KLF12: variants seen among roughly 807,000 people sequenced by gnomAD.
The protein encoded by KLF12 is Krueppel-like factor 12.
Under a neutral mutation model 37.8 loss-of-function variants are expected in KLF12, and 9 were observed. The observed-to-expected ratio is 0.24, with a 90% CI of 0.14 to 0.42. The LOEUF is 0.42. KLF12 is among the 10% of genes least tolerant of loss of function. The pLI, the probability that KLF12 is intolerant of heterozygous loss-of-function variation, is 1.00. For missense variants in KLF12, 411 were observed against 516.0 expected (o/e 0.80, Z 1.97); for synonymous variants, 208 against 202.1 (o/e 1.03, Z -0.25).
the KLF12 span, among the ~76,000 whole-genome samples, chr13:74,192,662 C>T: frequency 7.7e-6 from 1 of 130,066 alleles, no homozygotes; most frequent in African/African-American, 2.9e-5. Flanking sequence ...TAAAGGTTGC[C>T]AATTCAATGG....
At chr13:73,822,066 G>A (rs952488946) in intron 4 of KLF12, among the ~76,000 whole-genome samples, 6 of 152,202 alleles carry the variant, frequency 3.9e-5, no homozygotes, top group Non-Finnish European at 5.9e-5. Context: ...AAAATGTAAA[G>A]TTTAATGCAG....
At chr13:73,803,772 TCACACACA>T (rs4053528) in intron 5 of KLF12, among the ~76,000 whole-genome samples, 15,091 of 142,004 alleles carry the variant, frequency 0.11, 1,337 homozygotes, top group African/African-American at 0.25. Context: ...TACTGCAGAG[TCACACACA>T]CACACACACA....
chr13:74,061,159 T>C (rs1304457475), intron 1 of KLF12, among the ~76,000 whole-genome samples: 3 of 152,192 alleles, frequency 2.0e-5, no homozygotes, highest in African/African-American at 4.8e-5. Flanking sequence ...AAATGAGGCA[T>C]TTCAGATATA....
chr13:73,738,264 C>T lies in KLF12; in HGVS notation c.870-22739G>A, dbSNP rs561270446. 5.9e-5 allele frequency among the ~76,000 whole-genome samples: 9 copies of T among 151,358 alleles called. 1 individual carries two copies. The South Asian group carries it at 1.9e-3, about 32-fold the overall frequency. ...GGTTCAAGCGATTCTCCTGCCTCAG[C>T]CTCCCAAGTAGCTGGGATTACAGGT... On this transcript the variant is annotated intron_variant, in intron 6 of 7. Coordinates refer to ENST00000377669, the MANE Select transcript of KLF12 (RefSeq NM_007249.5).
the KLF12 span, among the ~76,000 whole-genome samples, chr13:74,274,135 A>T: frequency 6.6e-6 from 1 of 152,234 alleles, no homozygotes; most frequent in Non-Finnish European, 1.5e-5. Flanking sequence ...ACTCAATACC[A>T]ATGTTTACAA....
chr13:73,806,910 A>G, intron 5 of KLF12, among the ~76,000 whole-genome samples: 1 of 152,144 alleles, frequency 6.6e-6, no homozygotes, highest in East Asian at 1.9e-4. Context: ...GAGGAGATTA[A>G]CAAAAACAGG....
chr13:73,884,052 C>A (rs902302449), intron 3 of KLF12, among the ~76,000 whole-genome samples: 4 of 152,130 alleles, frequency 2.6e-5, no homozygotes, highest in East Asian at 1.9e-4. Flanking sequence ...TATGTGAAAA[C>A]TTTAACTCCC....
chr13:74,115,350 T>C (rs920019130), intron 1 of KLF12, among the ~76,000 whole-genome samples: 30 of 152,262 alleles, frequency 2.0e-4, no homozygotes, highest in African/African-American at 7.2e-4. Flanking sequence ...ACAGAAATTA[T>C]TCTCTCACAG....
At chr13:74,298,934 T>G in the KLF12 span, among the ~76,000 whole-genome samples, 1 of 152,142 alleles carries the variant, frequency 6.6e-6, no homozygotes, top group Non-Finnish European at 1.5e-5. Flanking sequence ...CTCAGTCTAC[T>G]ATATTTGTCC....
At chr13:73,777,004 A>G (rs956974761) in intron 5 of KLF12, among the ~76,000 whole-genome samples, 2 of 152,194 alleles carry the variant, frequency 1.3e-5, no homozygotes, top group Non-Finnish European at 1.5e-5. Flanking sequence ...CAACAACAAC[A>G]TAAGATTAAG....
chr13:74,135,003 G>A (rs184897357), upstream of KLF12, among the ~76,000 whole-genome samples: 5 of 151,662 alleles, frequency 3.3e-5, no homozygotes, highest in East Asian at 7.8e-4. Flanking sequence ...CGCCCGCGCC[G>A]GGCAACAATG....
At chr13:73,995,291 T>C (rs1359646460) in intron 1 of KLF12, among the ~76,000 whole-genome samples, 1 of 151,924 alleles carries the variant, frequency 6.6e-6, no homozygotes, top group East Asian at 1.9e-4. Flanking sequence ...TCCTGGGCAC[T>C]AAATAATTAA....
intron 4 of KLF12, among the ~76,000 whole-genome samples, chr13:73,838,060 G>A (rs960566897): frequency 5.3e-5 from 8 of 152,176 alleles, no homozygotes; most frequent in East Asian, 3.9e-4. Context: ...AAGTGAGAAC[G>A]CTGGCGACAG....
intron 4 of KLF12, among the ~76,000 whole-genome samples, chr13:73,832,039 G>A (rs1406325340): frequency 6.6e-6 from 1 of 152,178 alleles, no homozygotes; most frequent in Non-Finnish European, 1.5e-5. Context: ...ATATATCCAA[G>A]CCAAGAGTTA....
In KLF12 at chr13:73,959,480, GAA is replaced by G. The variant is rs1487306024; in HGVS notation, c.34-15412_34-15411del. 5.4e-3 allele frequency among the ~76,000 whole-genome samples: 818 copies of G among 151,320 alleles called. 7 individuals carry two copies. The highest frequency in any genetic ancestry group is 0.032 in the East Asian group (165 of 5,168). On this transcript the variant is annotated intron_variant, in intron 2 of 7. Coordinates refer to ENST00000377669, the MANE Select transcript of KLF12 (RefSeq NM_007249.5). The stretch of plus-strand genomic sequence containing the variant: ...AATGTAAGGTCATAAGGAAGCCTTA[GAA>G]AATATGTCTGCATTTTATATAAAAT...
At chr13:73,949,678 A>G (rs1000809226) in intron 2 of KLF12, among the ~76,000 whole-genome samples, 2 of 152,202 alleles carry the variant, frequency 1.3e-5, no homozygotes, top group Non-Finnish European at 2.9e-5. Context: ...ATTACATTTA[A>G]TTTATAATGG....
chr13:73,925,727 C>T (rs1401114591), intron 3 of KLF12, among the ~76,000 whole-genome samples: 1 of 152,098 alleles, frequency 6.6e-6, no homozygotes, highest in Admixed American at 6.6e-5. Flanking sequence ...TGATAACTTT[C>T]TGGCAAGGAT....
At chr13:73,791,743 G>T (rs936735139) in intron 5 of KLF12, among the ~76,000 whole-genome samples, 2 of 152,040 alleles carry the variant, frequency 1.3e-5, no homozygotes, top group African/African-American at 4.8e-5. Context: ...AATTTCTTCT[G>T]AAATGGAAAA....
the KLF12 span, among the ~76,000 whole-genome samples, chr13:74,279,696 C>T: frequency 6.6e-6 from 1 of 151,866 alleles, no homozygotes; most frequent in East Asian, 1.9e-4. Flanking sequence ...TTAGCTTGAA[C>T]AAAAAACATG....
Sources: allele counts gnomAD v4.1 joint callset (sites outside exome capture counted in the v4.1 genomes callset), GRCh38; gene constraint gnomAD v4.1.1; transcripts MANE v1.5; gene names NCBI Gene and HGNC (gene_info 2026-07-23, HGNC 2026-07-21).